EAPP: variants seen among roughly 807,000 people sequenced by gnomAD.
EAPP encodes the protein E2F associated phosphoprotein.
EAPP carries 38 observed loss-of-function variants against 34.3 expected under a neutral mutation model. That is an observed-to-expected ratio of 1.11 (90% CI 0.85 to 1.45). The LOEUF is 1.45. Ranked by LOEUF, EAPP falls within the 40% of genes most tolerant of loss-of-function variation. EAPP has a pLI of 0.00. For missense variants in EAPP, 338 were observed against 343.7 expected (o/e 0.98, Z 0.13); for synonymous variants, 113 against 117.6 (o/e 0.96, Z 0.25).
chr14:34,539,201 A>T lies in EAPP; in HGVS notation c.74+354T>A, dbSNP rs114356184. ...TATACTATGTTATATAGGTTATACA[A>T]TTATGTTATTATAGTTCAATTTTAC... On this transcript the variant is annotated intron_variant, in intron 1 of 5. Transcript: ENST00000250454. 7.0e-3 allele frequency: 3,096 copies of T among 440,870 alleles called. 79 individuals are homozygous for T. The highest frequency in any genetic ancestry group is 0.056 in the African/African-American group (2,810 of 50,042). The allele number at this position is 440,870 out of a possible 1,614,324, so 27.3% of individuals were successfully genotyped here.
At chr14:34,521,612 T>C (rs1330224847) in intron 5 of EAPP, among the ~76,000 whole-genome samples, 1 of 151,448 alleles carries the variant, frequency 6.6e-6, no homozygotes, top group Non-Finnish European at 1.5e-5. Context: ...TCAGCAAATA[T>C]ATTTCTCAGA....
chr14:34,526,717 G>A (rs1880107694), intron 4 of EAPP, among the ~76,000 whole-genome samples: 1 of 151,530 alleles, frequency 6.6e-6, no homozygotes, highest in Admixed American at 6.6e-5. Flanking sequence ...GCAAGACCTT[G>A]TGTCTATTAA....
At chr14:34,528,227 G>T (rs1880157804) in intron 4 of EAPP, among the ~76,000 whole-genome samples, 1 of 151,554 alleles carries the variant, frequency 6.6e-6, no homozygotes, top group South Asian at 2.1e-4. Context: ...GTAGAGATGG[G>T]GTTTCGCCAT....
chr14:34,519,584 A>G (rs1474370802), intron 5 of EAPP, among the ~76,000 whole-genome samples: 1 of 151,910 alleles, frequency 6.6e-6, no homozygotes, highest in Non-Finnish European at 1.5e-5. Flanking sequence ...CTTCCTATAC[A>G]GCCTGTGGAA....
At chr14:34,531,144 A>C (rs1360608450) in intron 3 of EAPP, among the ~76,000 whole-genome samples, 2 of 151,982 alleles carry the variant, frequency 1.3e-5, no homozygotes, top group Non-Finnish European at 2.9e-5. Flanking sequence ...GTCTCTTCTA[A>C]AAATACAAAA....
In EAPP at chr14:34,531,306, AAAAT is replaced by A. The variant is rs1157631749; in HGVS notation, c.353-1835_353-1832del. Among the ~76,000 whole-genome samples the A allele has an allele frequency of 4.0e-5, 6 of 150,534 alleles. No homozygotes were observed. In the East Asian group the frequency reaches 9.8e-4, roughly 25 times the overall value. On this transcript the variant is annotated intron_variant, in intron 3 of 5. Coordinates refer to ENST00000250454, the MANE Select transcript of EAPP (RefSeq NM_018453.4). ...GGTGACAGAGTGGGACTCTGCCTAA[AAAAT>A]AAATAAACAAGGCTGGGCGCGGTGG...
At chr14:34,524,594 C>T in intron 5 of EAPP, 103 bp downstream of exon 5, 2 of 856,128 alleles carry the variant, frequency 2.3e-6, no homozygotes, top group Admixed American at 4.7e-5. Context: ...CCAGCCTGGG[C>T]AACAGAGTAA....
chr14:34,536,986 T>C (rs946238320), intron 1 of EAPP, among the ~76,000 whole-genome samples: 7 of 152,050 alleles, frequency 4.6e-5, no homozygotes, highest in African/African-American at 1.7e-4. Context: ...ACACAGGATC[T>C]CTCTGTATTA....
chr14:34,525,127 C>T (rs1159022756), intron 4 of EAPP, among the ~76,000 whole-genome samples: 1 of 152,032 alleles, frequency 6.6e-6, no homozygotes, highest in Non-Finnish European at 1.5e-5. Flanking sequence ...CCCACGAATC[C>T]ACGCTAATAT....
In EAPP at chr14:34,534,158, A is replaced by T. The variant is rs367644022; in HGVS notation, c.257-619T>A. Among the ~76,000 whole-genome samples the T allele has an allele frequency of 3.4e-4, 50 of 145,996 alleles. 1 individual carries two copies. Among genetic ancestry groups the T allele is most frequent in the African/African-American group, 1.1e-3 (45 of 39,208 alleles). On this transcript the variant is annotated intron_variant, in intron 2 of 5. Coordinates refer to ENST00000250454, the MANE Select transcript of EAPP (RefSeq NM_018453.4). ...TCCTTTTTTTTTTTTTTTGAGACTG[A>T]GTCTCACTCTGTTGCCCAGGCTGGA...
intron 5 of EAPP, among the ~76,000 whole-genome samples, chr14:34,519,341 C>G (rs1000287556): frequency 5.9e-5 from 9 of 152,094 alleles, no homozygotes; most frequent in Non-Finnish European, 1.3e-4. Context: ...TCAAGACCAG[C>G]CTGACCGATA....
chr14:34,536,698 G>GT (rs1010341658), intron 1 of EAPP, among the ~76,000 whole-genome samples: 1 of 151,578 alleles, frequency 6.6e-6, no homozygotes, highest in Non-Finnish European at 1.5e-5. Flanking sequence ...GCCCAGGATG[G>GT]TTTTTTTGTT....
chr14:34,521,540 T>A (rs959202542), intron 5 of EAPP, among the ~76,000 whole-genome samples: 2 of 152,074 alleles, frequency 1.3e-5, no homozygotes, highest in Non-Finnish European at 2.9e-5. Flanking sequence ...ATCTTTAAGC[T>A]CACTGATTCT....
chr14:34,539,646 TAC>T lies in EAPP; in HGVS notation c.-20_-19del, dbSNP rs750678799. 1.3e-6 allele frequency: 2 copies of T among 1,533,964 alleles called. No individual in the cohort carries two copies. The highest frequency in any genetic ancestry group is 2.8e-5 in the African/African-American group (2 of 72,390). On this transcript the variant is annotated 5_prime_UTR_variant, in exon 1 of 6. Transcript: ENST00000250454. ...CGGTTCATGGTGGCCTGCAGCGGCC[TAC>T]ACCGTCCACAAGCAATTTGCAGCGT...
At chr14:34,519,668 G>C (rs796802773) in intron 5 of EAPP, among the ~76,000 whole-genome samples, 73 of 152,132 alleles carry the variant, frequency 4.8e-4, no homozygotes, top group African/African-American at 1.7e-3. Context: ...TGCAAGAGCA[G>C]ACTAATACAA....
chr14:34,536,006 A>G (rs1323164102), intron 2 of EAPP, 88 bp downstream of exon 2: 1 of 893,846 alleles, frequency 1.1e-6, no homozygotes, highest in East Asian at 2.8e-5. Context: ...CACCTACTGA[A>G]AGTGCTGGGA....
intron 4 of EAPP, among the ~76,000 whole-genome samples, chr14:34,528,830 A>C (rs1459493651): frequency 6.6e-6 from 1 of 151,924 alleles, no homozygotes; most frequent in Non-Finnish European, 1.5e-5. Context: ...AACAAGTTTA[A>C]AAAAAAACAA....
rs573980757 is a variant in EAPP at position 34,527,390 on chromosome 14, G to T, written c.470+1968C>A. 2.7e-3 allele frequency among the ~76,000 whole-genome samples: 409 copies of T among 152,094 alleles called. 5 individuals carry two copies. Among genetic ancestry groups the T allele is most frequent in the African/African-American group, 9.6e-3 (399 of 41,514 alleles). Reference sequence around the variant, plus strand: ...AGGTGGGAGGAGTGCTTGAACCCGGGAGGCGGTGTGTGCCTACAGTCACAG... The same window carrying T: ...AGGTGGGAGGAGTGCTTGAACCCGGTAGGCGGTGTGTGCCTACAGTCACAG... On this transcript the variant is annotated intron_variant, in intron 4 of 5. Coordinates refer to ENST00000250454, the MANE Select transcript of EAPP (RefSeq NM_018453.4).
chr14:34,532,587 GA>G (rs2138902100), intron 3 of EAPP, among the ~76,000 whole-genome samples: 1 of 152,074 alleles, frequency 6.6e-6, no homozygotes, highest in East Asian at 1.9e-4. Flanking sequence ...GGGAGGTATT[GA>G]GTTGGGACAC....
Sources: gnomAD v4.1 joint callset for allele counts (sites outside exome capture counted in the v4.1 genomes callset) on GRCh38, gnomAD v4.1.1 for gene constraint, MANE v1.5 for transcripts, NCBI Gene and HGNC (gene_info 2026-07-23, HGNC 2026-07-21) for gene names.